The following PTPN4 variants were observed in gnomAD, a reference collection of about 807,000 sequenced individuals.
PTPN4 encodes the protein tyrosine-protein phosphatase non-receptor type 4.
In PTPN4, 49 loss-of-function variants were observed where a neutral mutation model predicts 135.5. That is an observed-to-expected ratio of 0.36 (90% CI 0.29 to 0.46). The LOEUF is 0.46. Among genes scored for constraint, PTPN4 ranks in the 20% least tolerant of loss-of-function variants. The pLI, the probability that PTPN4 is intolerant of heterozygous loss-of-function variation, is 1.00. For missense variants in PTPN4, 860 were observed against 1,101.0 expected (o/e 0.78, Z 3.10); for synonymous variants, 333 against 369.9 (o/e 0.90, Z 1.14).
Position 119,981,499 on chromosome 2 carries a change from A to T in PTPN4, c.*4429A>T, listed in dbSNP as rs1033205239. ...CTTGGCAGAGATTTATTGGTGTCTC[A>T]GTGTGATCACAATACAAGTTGTAGC... On this transcript the variant is annotated 3_prime_UTR_variant, in exon 27 of 27. Transcript: ENST00000263708. 2 of 152,116 alleles carry T rather than the reference A, an allele frequency of 1.3e-5. No individual in the cohort carries two copies. The highest frequency in any genetic ancestry group is 2.9e-5 in the Non-Finnish European group (2 of 67,972). 9.4% of individuals were successfully genotyped at this position (152,116 alleles called of 1,614,324 possible). A position where few individuals can be genotyped will look rare whatever the true frequency, so the allele number is the denominator to read the frequency against.
At chr2:119,784,785 G>T (rs1174966564) in intron 1 of PTPN4, among the ~76,000 whole-genome samples, 2 of 139,320 alleles carry the variant, frequency 1.4e-5, no homozygotes, top group East Asian at 4.3e-4. Flanking sequence ...CAGTCTGCCC[G>T]CCTCAGCCTA....
chr2:119,802,670 T>C (rs1440711898), intron 1 of PTPN4, among the ~76,000 whole-genome samples: 1 of 152,186 alleles, frequency 6.6e-6, no homozygotes, highest in Non-Finnish European at 1.5e-5. Flanking sequence ...AATATTGGTT[T>C]GTAGTTTTCT....
intron 26 of PTPN4, among the ~76,000 whole-genome samples, chr2:119,972,582 A>AC (rs1558779126): frequency 6.6e-6 from 1 of 151,954 alleles, no homozygotes; most frequent in Non-Finnish European, 1.5e-5. Context: ...CCTGGATAGA[A>AC]CCTCCAGTAC....
intron 1 of PTPN4, among the ~76,000 whole-genome samples, chr2:119,804,499 A>G (rs940393284): frequency 1.3e-5 from 2 of 151,868 alleles, no homozygotes; most frequent in African/African-American, 4.8e-5. Flanking sequence ...CTCATTGTTC[A>G]TTTCCCACCT....
intron 18 of PTPN4, among the ~76,000 whole-genome samples, chr2:119,949,821 C>T (rs1294858969): frequency 6.6e-6 from 1 of 151,978 alleles, no homozygotes; most frequent in African/African-American, 2.4e-5. Flanking sequence ...CCAGCCTAAG[C>T]AACAGAGCAA....
At chr2:119,966,207 A>C (rs1195242808) in intron 25 of PTPN4, among the ~76,000 whole-genome samples, 3 of 152,144 alleles carry the variant, frequency 2.0e-5, no homozygotes, top group Non-Finnish European at 4.4e-5. Flanking sequence ...GTCCTTTTAT[A>C]TAAGCGCTTT....
At chr2:119,838,521 A>T (rs564783027) in intron 2 of PTPN4, among the ~76,000 whole-genome samples, 1 of 152,288 alleles carries the variant, frequency 6.6e-6, no homozygotes, top group South Asian at 2.1e-4. Context: ...GTCTTAACAT[A>T]TCTCTCCTTG....
At chr2:119,958,451 G>C (rs1679321070) in intron 22 of PTPN4, among the ~76,000 whole-genome samples, 1 of 151,528 alleles carries the variant, frequency 6.6e-6, no homozygotes, top group East Asian at 1.9e-4. Context: ...AAAGTAGAGA[G>C]AATAGTATAA....
chr2:119,971,747 A>G (rs1679537570), intron 26 of PTPN4, among the ~76,000 whole-genome samples: 1 of 152,232 alleles, frequency 6.6e-6, no homozygotes, highest in African/African-American at 2.4e-5. Context: ...TACCTAACCC[A>G]TAAATGAGTC....
chr2:119,860,118 T>C (rs1677740038), intron 2 of PTPN4, among the ~76,000 whole-genome samples: 1 of 152,208 alleles, frequency 6.6e-6, no homozygotes, highest in Non-Finnish European at 1.5e-5. Context: ...CAAAGGTACA[T>C]TGGATTCACC....
chr2:119,932,394 T>G (rs1317722218), intron 13 of PTPN4, 30 bp from the exon 14 acceptor site: 12 of 1,533,732 alleles, frequency 7.8e-6, no homozygotes, highest in Non-Finnish European at 1.1e-5. Flanking sequence ...AAATAAAACT[T>G]TTAACATATT....
intron 2 of PTPN4, among the ~76,000 whole-genome samples, chr2:119,859,948 G>C (rs1677737186): frequency 6.6e-6 from 1 of 152,132 alleles, no homozygotes; most frequent in Admixed American, 6.5e-5. Flanking sequence ...GAGAAAGCAG[G>C]CTTTTCTTGG....
At chr2:119,929,180 G>A (rs1363304657) in intron 13 of PTPN4, among the ~76,000 whole-genome samples, 1 of 151,970 alleles carries the variant, frequency 6.6e-6, no homozygotes, top group Non-Finnish European at 1.5e-5. Context: ...AATAGTACTG[G>A]GCTGTTTAAT....
At chr2:119,801,907 T>G (rs1457772250) in intron 1 of PTPN4, among the ~76,000 whole-genome samples, 6 of 146,492 alleles carry the variant, frequency 4.1e-5, no homozygotes, top group Admixed American at 2.7e-4. Flanking sequence ...TCCGTTTTTT[T>G]TTTTTTTTTT....
rs1048602181 is a variant in PTPN4 at position 119,760,315 on chromosome 2, TCTC to T, written c.-83_-81del. The T allele has an allele frequency of 3.5e-5, 14 of 395,306 alleles. No individual in the cohort carries two copies. The highest frequency in any genetic ancestry group is 1.4e-4 in the African/African-American group (7 of 48,540). 24.5% of individuals were successfully genotyped at this position (395,306 alleles called of 1,614,324 possible). On this transcript the variant is annotated 5_prime_UTR_variant, in exon 1 of 27. Coordinates refer to ENST00000263708, the MANE Select transcript of PTPN4 (RefSeq NM_002830.4). ...CCCGGAGCGGCACGGAGGACGCGCT[TCTC>T]CTCTGCGCGCCGGGGCCTCGAGGCT...
intron 23 of PTPN4, among the ~76,000 whole-genome samples, chr2:119,962,092 T>TA (rs973475208): frequency 6.6e-6 from 1 of 152,136 alleles, no homozygotes; most frequent in African/African-American, 2.4e-5. Flanking sequence ...TCTTAAGATT[T>TA]AATGAGGATT....
At chr2:119,890,916 A>T (rs1003053854) in intron 9 of PTPN4, among the ~76,000 whole-genome samples, 7 of 152,038 alleles carry the variant, frequency 4.6e-5, no homozygotes, top group African/African-American at 1.7e-4. Context: ...ATATCATTCT[A>T]TTGTCTTCCG....
intron 1 of PTPN4, among the ~76,000 whole-genome samples, chr2:119,795,229 AC>A (rs1401086272): frequency 6.6e-6 from 1 of 152,150 alleles, no homozygotes; most frequent in African/African-American, 2.4e-5. Context: ...AAAAGGCACC[AC>A]AAGTTCCCAC....
intron 12 of PTPN4, among the ~76,000 whole-genome samples, chr2:119,921,243 G>A (rs779973913): frequency 3.3e-5 from 5 of 151,956 alleles, no homozygotes; most frequent in African/African-American, 4.8e-5. Context: ...CCGACATCTC[G>A]CCATTGCACT....
Sources: gnomAD v4.1 joint callset for allele counts (sites outside exome capture counted in the v4.1 genomes callset) on GRCh38, gnomAD v4.1.1 for gene constraint, MANE v1.5 for transcripts, NCBI Gene and HGNC (gene_info 2026-07-23, HGNC 2026-07-21) for gene names.